Variants in WDFY1 observed in about 807,000 individuals in gnomAD.
WDFY1 encodes the protein WD repeat and FYVE domain containing 1.
WDFY1 carries 32 observed loss-of-function variants against 56.4 expected under a neutral mutation model. That is an observed-to-expected ratio of 0.57 (90% CI 0.43 to 0.76). The LOEUF (loss-of-function observed/expected upper bound fraction) is 0.76. WDFY1 is among the 30% of genes least tolerant of loss of function. WDFY1 has a pLI of 0.00. For synonymous variants in WDFY1, 192 were observed against 197.3 expected (o/e 0.97, Z 0.23); for missense variants, 480 against 545.7 (o/e 0.88, Z 1.20).
intron 1 of WDFY1, among the ~76,000 whole-genome samples, chr2:223,926,646 A>ATGTGTGTGTG (rs61402571): frequency 3.0e-4 from 43 of 145,138 alleles, no homozygotes; most frequent in African/African-American, 7.7e-4. Flanking sequence ...ATATACAAAT[A>ATGTGTGTGTG]TGTGCGTGTG....
At chr2:223,911,711 C>G (rs192260819) in intron 3 of WDFY1, among the ~76,000 whole-genome samples, 1,763 of 152,114 alleles carry the variant, frequency 0.012, 31 homozygotes, top group Non-Finnish European at 0.017. Flanking sequence ...TGGGTCAGCC[C>G]GAGCACCCAG....
chr2:223,899,166 A>T, intron 5 of WDFY1, 96 bp from the exon 6 acceptor site: 2 of 937,620 alleles, frequency 2.1e-6, no homozygotes, highest in Non-Finnish European at 3.4e-6. Context: ...TTTCAAAGTT[A>T]GAAAACATGC....
At chr2:223,879,808 G>T (rs1425523280) in intron 11 of WDFY1, among the ~76,000 whole-genome samples, 1 of 152,188 alleles carries the variant, frequency 6.6e-6, no homozygotes, top group Non-Finnish European at 1.5e-5. Flanking sequence ...GCAAGCGTAG[G>T]AATGTCTTGA....
chr2:223,877,624 T>C lies in WDFY1; in HGVS notation c.*1047A>G, dbSNP rs566066060. ...TTATTGTGGAAGACTTGATGGATGA[T>C]TATAGCTCTGGGTCACTAACTTCTT... On this transcript the variant is annotated 3_prime_UTR_variant, in exon 12 of 12. Transcript: ENST00000233055. 2.6e-5 allele frequency: 4 copies of C among 152,352 alleles called. No homozygotes were observed. In the South Asian group the frequency reaches 8.3e-4, roughly 32 times the overall value. The allele number at this position is 152,352 out of a possible 1,614,324, so 9.4% of individuals were successfully genotyped here. A position where few individuals can be genotyped will look rare whatever the true frequency, so the allele number is the denominator to read the frequency against.
At chr2:223,897,402 G>A (rs1333272056) in intron 6 of WDFY1, among the ~76,000 whole-genome samples, 12 of 67,546 alleles carry the variant, frequency 1.8e-4, no homozygotes, top group East Asian at 4.4e-4. Context: ...TTTTTAAGAC[G>A]GAGTCTCTCT....
chr2:223,928,704 A>T (rs982261307), intron 1 of WDFY1, among the ~76,000 whole-genome samples: 4 of 152,244 alleles, frequency 2.6e-5, no homozygotes, highest in African/African-American at 9.6e-5. Flanking sequence ...AGCAATTTCA[A>T]ATATAGTGGC....
chr2:223,938,271 T>C (rs1689235057), intron 1 of WDFY1, among the ~76,000 whole-genome samples: 1 of 152,220 alleles, frequency 6.6e-6, no homozygotes, highest in South Asian at 2.1e-4. Flanking sequence ...GTGAAGACAG[T>C]AGGCCTATAG....
Position 223,897,386 on chromosome 2 carries a change from A to ATTTTTTTT in WDFY1, c.598+1571_598+1572insAAAAAAAA, listed in dbSNP as rs1321548675. Reference sequence around the variant, plus strand: ...TATATATATATATATATATATATATATATATTTTTTAAGACGGAGTCTCTC... The same window carrying ATTTTTTTT: ...TATATATATATATATATATATATATATTTTTTTTTATATTTTTTAAGACGGAGTCTCTC... On this transcript the variant is annotated intron_variant, in intron 6 of 11. Coordinates refer to ENST00000233055, the MANE Select transcript of WDFY1 (RefSeq NM_020830.5). Among the ~76,000 whole-genome samples the ATTTTTTTT allele has an allele frequency of 2.6e-4, 32 of 124,156 alleles. 1 individual carries two copies. Among genetic ancestry groups the ATTTTTTTT allele is most frequent in the Admixed American group, 8.8e-4 (10 of 11,312 alleles). The allele number at this position is 124,156 out of a possible 152,430, so 81.5% of individuals were successfully genotyped here.
chr2:223,902,866 C>T (rs1693527558), intron 4 of WDFY1, among the ~76,000 whole-genome samples: 1 of 151,788 alleles, frequency 6.6e-6, no homozygotes. Context: ...ACTTTTTCCA[C>T]TAAATCTGTA....
At chr2:223,936,081 GGAC>G (rs1383390494) in intron 1 of WDFY1, among the ~76,000 whole-genome samples, 10 of 109,560 alleles carry the variant, frequency 9.1e-5, no homozygotes, top group South Asian at 2.9e-4. Flanking sequence ...TTTTTTTTGG[GGAC>G]AGAGTCTTGC....
intron 1 of WDFY1, among the ~76,000 whole-genome samples, chr2:223,929,111 G>C (rs886878503): frequency 1.3e-5 from 2 of 151,602 alleles, no homozygotes; most frequent in African/African-American, 2.4e-5. Context: ...GGGCCTGAAA[G>C]TTATAAGGCA....
intron 1 of WDFY1, among the ~76,000 whole-genome samples, chr2:223,928,598 T>C (rs567571602): frequency 1.6e-4 from 24 of 152,318 alleles, no homozygotes; most frequent in African/African-American, 5.8e-4. Flanking sequence ...AGTGGCTACC[T>C]AAAATTCTAC....
intron 6 of WDFY1, 90 bp from the exon 7 acceptor site, chr2:223,895,720 G>A (rs1366779877): frequency 3.3e-6 from 5 of 1,533,538 alleles, no homozygotes; most frequent in Non-Finnish European, 3.5e-6. Flanking sequence ...GACAGCTGAA[G>A]ACCAAACTAG....
At chr2:223,923,740 G>A (rs942070490) in intron 1 of WDFY1, among the ~76,000 whole-genome samples, 6 of 151,808 alleles carry the variant, frequency 4.0e-5, no homozygotes, top group South Asian at 2.1e-4. Context: ...CAGCCTGGGC[G>A]ACAGAGCAAG....
At chr2:223,906,960 T>C (rs542958680) in intron 3 of WDFY1, among the ~76,000 whole-genome samples, 3,340 of 147,438 alleles carry the variant, frequency 0.023, 55 homozygotes, top group Non-Finnish European at 0.037. Context: ...ACTACCATTA[T>C]TATTATTATT....
At position 223,931,457 on chromosome 2, in the gene WDFY1, T is replaced by C. The variant is rs555112337; in HGVS notation, c.138-13447A>G. The stretch of plus-strand genomic sequence containing the variant: ...TGCTGAAAGATATGCCTGATGATCA[T>C]AATAAGTAGAAGGATTCCTTTTTAT... On this transcript the variant is annotated intron_variant, in intron 1 of 11. Coordinates refer to ENST00000233055, the MANE Select transcript of WDFY1 (RefSeq NM_020830.5). 8.0e-4 allele frequency among the ~76,000 whole-genome samples: 122 copies of C among 152,320 alleles called. 2 individuals carry two copies. Among genetic ancestry groups the C allele is most frequent in the Non-Finnish European group, 1.5e-3 (102 of 68,028 alleles).
At chr2:223,911,619 G>A (rs907556283) in intron 3 of WDFY1, among the ~76,000 whole-genome samples, 8 of 142,724 alleles carry the variant, frequency 5.6e-5, no homozygotes, top group Middle Eastern at 3.6e-3. Flanking sequence ...CACACACAGA[G>A]TGACAGAGGC....
intron 1 of WDFY1, among the ~76,000 whole-genome samples, chr2:223,942,694 C>G (rs1399112753): frequency 3.6e-5 from 5 of 137,472 alleles, no homozygotes; most frequent in Admixed American, 3.6e-4. Flanking sequence ...CGCCACCGCG[C>G]CCGGCTAATT....
At chr2:223,909,411 G>A (rs1316505551) in intron 3 of WDFY1, among the ~76,000 whole-genome samples, 1 of 152,026 alleles carries the variant, frequency 6.6e-6, no homozygotes, top group African/African-American at 2.4e-5. Flanking sequence ...CAGCAGGTCT[G>A]GGCCCTGACT....
Sources: gnomAD v4.1 joint callset for allele counts (sites outside exome capture counted in the v4.1 genomes callset) on GRCh38, gnomAD v4.1.1 for gene constraint, MANE v1.5 for transcripts, NCBI Gene and HGNC (gene_info 2026-07-23, HGNC 2026-07-21) for gene names.